The following UMODL1 variants were observed in gnomAD, a reference collection of about 807,000 sequenced individuals.
UMODL1 encodes uromodulin-like 1.
UMODL1 carries 128 observed loss-of-function variants against 136.3 expected under a neutral mutation model. That is an observed-to-expected ratio of 0.94 (90% CI 0.81 to 1.09). The LOEUF is 1.09. Among genes scored for constraint, UMODL1 ranks in the 50% least tolerant of loss-of-function variants. The probability of loss-of-function intolerance (pLI) is 0.00; values close to 1 mark genes in which losing one functional copy is unlikely to be tolerated. For synonymous variants in UMODL1, 721 were observed against 720.0 expected (o/e 1.00, Z -0.02); for missense variants, 1,766 against 1,725.6 (o/e 1.02, Z -0.41).
chr21:42,064,865 CTTTCT>C (rs772516681), intron 1 of UMODL1, among the ~76,000 whole-genome samples: 3 of 152,134 alleles, frequency 2.0e-5, no homozygotes, highest in African/African-American at 7.2e-5. Flanking sequence ...CCACAAATTT[CTTTCT>C]TTTCTTTTCT....
intron 10 of UMODL1, among the ~76,000 whole-genome samples, chr21:42,110,467 C>T (rs1004639872): frequency 1.3e-5 from 2 of 152,224 alleles, no homozygotes; most frequent in African/African-American, 4.8e-5. Context: ...TTCTCATTCG[C>T]CTAATGTCCT....
upstream of UMODL1, among the ~76,000 whole-genome samples, chr21:42,070,783 G>A (rs144195250): frequency 5.0e-3 from 755 of 152,338 alleles, 2 homozygotes; most frequent in Middle Eastern, 0.031. Context: ...CCCAAGCTCC[G>A]GGAGGAGAGG....
chr21:42,089,645 T>C (rs967555929), intron 5 of UMODL1, among the ~76,000 whole-genome samples: 1 of 152,126 alleles, frequency 6.6e-6, no homozygotes, highest in Non-Finnish European at 1.5e-5. Flanking sequence ...TTGAATGCCA[T>C]CAGAAAATGG....
chr21:42,099,214 G>C lies in UMODL1; in HGVS notation c.1186+34G>C, dbSNP rs752111357. The C allele has an allele frequency of 1.2e-6, 2 of 1,600,188 alleles. No homozygotes were observed. The highest frequency in any genetic ancestry group is 8.5e-7 in the Non-Finnish European group (1 of 1,171,632). ...CCCAGTCAGAGACCCACGTTAGCTTGCGAGCTTGTCTTTCTATCCCAGGTC... is the reference window on the plus strand; with the variant it reads ...CCCAGTCAGAGACCCACGTTAGCTTCCGAGCTTGTCTTTCTATCCCAGGTC... On this transcript the variant is annotated intron_variant, in intron 7 of 22. Transcript: ENST00000408910. This position sits in a 1 kb window ranked among gnomAD's most constrained non-coding sequence, Gnocchi z 4.1.
rs554968979 is a variant in UMODL1, at chr21:42,115,140, C to T, written c.2363-733C>T. Among the ~76,000 whole-genome samples the T allele has an allele frequency of 9.2e-5, 14 of 152,350 alleles. No individual in the cohort carries two copies. The South Asian group carries it at 2.9e-3, about 32-fold the overall frequency. ...AGGGGAGAGCTGTGTCTTTCTCCTT[C>T]ACTGTCTAGAATGCCTCTGGCGCAT... On this transcript the variant is annotated intron_variant, in intron 13 of 22. Coordinates refer to ENST00000408910, the MANE Select transcript of UMODL1 (RefSeq NM_001004416.3).
intron 8 of UMODL1, 119 bp downstream of exon 8, chr21:42,102,397 T>A: frequency 2.6e-6 from 2 of 765,952 alleles, no homozygotes; most frequent in East Asian, 5.3e-5. Context: ...TACATGTTAC[T>A]GCAGCTTCAG....
intron 1 of UMODL1, among the ~76,000 whole-genome samples, chr21:42,064,441 G>A (rs143232575): frequency 1.9e-4 from 29 of 152,338 alleles, no homozygotes; most frequent in African/African-American, 6.5e-4. Flanking sequence ...GGAACTACAC[G>A]TTGGCTCTCT....
chr21:42,106,197 C>A (rs978833347), intron 9 of UMODL1, among the ~76,000 whole-genome samples: 7 of 152,192 alleles, frequency 4.6e-5, no homozygotes, highest in Non-Finnish European at 7.3e-5. Flanking sequence ...GGGGAGCAAC[C>A]ATGGGGCACC....
At position 42,111,855 on chromosome 21, in the gene UMODL1, G is replaced by A. The variant is rs959822870; in HGVS notation, c.2104+145G>A. ...ATCCTCATCTTGTGCGTGTGGAAAC[G>A]GAGGCACCCAGCAGCTGGTTTCTAG... On this transcript the variant is annotated intron_variant, in intron 12 of 22. Coordinates refer to ENST00000408910, the MANE Select transcript of UMODL1 (RefSeq NM_001004416.3). 4.8e-5 allele frequency: 42 copies of A among 867,016 alleles called. 1 individual carries two copies. The highest frequency in any genetic ancestry group is 5.9e-4 in the Middle Eastern group (2 of 3,364). The allele number at this position is 867,016 out of a possible 1,614,324, so 53.7% of individuals were successfully genotyped here. A position where few individuals can be genotyped will look rare whatever the true frequency, so the allele number is the denominator to read the frequency against.
chr21:42,119,090 A>C (rs1237803290), intron 14 of UMODL1, 21 bp from the exon 15 acceptor site: 2 of 1,609,598 alleles, frequency 1.2e-6, no homozygotes, highest in Non-Finnish European at 1.7e-6. Context: ...GGACCTCCTC[A>C]CATGGCCTCT....
chr21:42,120,765 G>A, intron 15 of UMODL1: 2 of 226,954 alleles, frequency 8.8e-6, no homozygotes, highest in Non-Finnish European at 1.7e-5. Context: ...CCCTTGGGCT[G>A]GACCGAGGTG....
intron 1 of UMODL1, among the ~76,000 whole-genome samples, chr21:42,072,160 C>T (rs2066239549): frequency 1.3e-5 from 2 of 152,232 alleles, no homozygotes; most frequent in Admixed American, 6.5e-5. Context: ...AGAGTCACCA[C>T]AGGAGCCAGA....
intron 20 of UMODL1, among the ~76,000 whole-genome samples, chr21:42,128,448 G>A (rs1303122567): frequency 3.3e-5 from 5 of 152,206 alleles, no homozygotes; most frequent in African/African-American, 1.2e-4. Flanking sequence ...TTTTTGCTCA[G>A]TGACCGAATG....
intron 2 of UMODL1, among the ~76,000 whole-genome samples, chr21:42,078,706 TGACCCCAGAGCAACACCTCCATCACCAAC>T (rs1254289276): frequency 6.9e-6 from 1 of 144,090 alleles, no homozygotes; most frequent in Admixed American, 6.8e-5. Context: ...CGGGGCCAGC[TGACCCCAGAGCAACACCTCCATCACCAAC>T]AGAAACCAGG....
chr21:42,098,093 T>C (rs953912810), intron 6 of UMODL1, among the ~76,000 whole-genome samples: 1 of 152,210 alleles, frequency 6.6e-6, no homozygotes, highest in African/African-American at 2.4e-5. Context: ...AAGGCAGTAT[T>C]TGTAGATGTG....
chr21:42,111,495 T>C lies in UMODL1; in HGVS notation c.1900-11T>C. 6.2e-7 allele frequency: 1 copy of C among 1,613,746 alleles called. No homozygotes were observed. Among genetic ancestry groups the C allele is most frequent in the Non-Finnish European group, 8.5e-7 (1 of 1,179,746 alleles). On this transcript the variant is annotated splice_polypyrimidine_tract_variant and intron_variant, in intron 11 of 22. Transcript: ENST00000408910. The stretch of plus-strand genomic sequence containing the variant: ...GGGGCCACAGATGGCCCACTGGCCC[T>C]CCCTGGACAGCTACAGGGAAACTCC...
intron 2 of UMODL1, among the ~76,000 whole-genome samples, chr21:42,078,694 GGCGGGGCC>G (rs2066323734): frequency 7.2e-6 from 1 of 139,816 alleles, no homozygotes; most frequent in African/African-American, 2.7e-5. Context: ...ACAGAAACCA[GGCGGGGCC>G]AGCTGACCCC....
intron 2 of UMODL1, among the ~76,000 whole-genome samples, chr21:42,082,741 C>T (rs112622719): frequency 3.0e-4 from 45 of 152,306 alleles, no homozygotes; most frequent in Admixed American, 2.5e-3. Context: ...GGCAAAGGCA[C>T]ACTGCAGGCT....
rs1453812493 is a variant in UMODL1, at chr21:42,122,926, AC to A, written c.2929del (p.Gln977LysfsTer7). 1.2e-6 allele frequency: 2 copies of A among 1,613,214 alleles called. No homozygotes were observed. Among genetic ancestry groups the A allele is most frequent in the East Asian group, 2.2e-5 (1 of 44,840 alleles). ...TGCCTTTGTGCAAGGCACCAGCCCC[AC>A]CCCCCAAGGCCTGCCCCAGCGGCTG... The part of the protein sequence containing the change: ...KAAFVQGTSP[T>X]PQGLPQRLNL... On this transcript the variant is annotated frameshift_variant, in exon 17 of 23. Coordinates refer to ENST00000408910, the MANE Select transcript of UMODL1 (RefSeq NM_001004416.3). LOFTEE classifies it high-confidence loss of function. The surrounding 1 kb of genome is among the most constrained non-coding windows in gnomAD (Gnocchi z 4.3).
Sources: gnomAD v4.1 joint callset for allele counts (sites outside exome capture counted in the v4.1 genomes callset) on GRCh38, gnomAD v4.1.1 for gene constraint, Gnocchi (gnomAD v3.1) non-coding constraint, MANE v1.5 for transcripts, NCBI Gene and HGNC (gene_info 2026-07-23, HGNC 2026-07-21) for gene names.